Variants in DNM1 observed in about 807,000 individuals in gnomAD.
DNM1 encodes dynamin 1, also known as dynamin-1.
In DNM1, 29 loss-of-function variants were observed where a neutral mutation model predicts 104.6. That is an observed-to-expected ratio of 0.28 (90% confidence interval 0.21 to 0.38). The LOEUF is 0.38. Among genes scored for constraint, DNM1 ranks in the 10% least tolerant of loss-of-function variants. The pLI, the probability that DNM1 is intolerant of heterozygous loss-of-function variation, is 1.00. For missense variants in DNM1, 640 were observed against 1,189.4 expected (o/e 0.54, Z 6.79); for synonymous variants, 445 against 475.8 (o/e 0.94, Z 0.84).
chr9:128,232,366 C>A (rs1835750088), intron 10 of DNM1, among the ~76,000 whole-genome samples: 1 of 152,164 alleles, frequency 6.6e-6, no homozygotes, highest in African/African-American at 2.4e-5. Flanking sequence ...TTTTTAAGCC[C>A]CTGGTCTCAG....
In DNM1 at chr9:128,248,055, G is replaced by A. The variant is rs757734588; in HGVS notation, c.1905+120G>A. ...TCTAATTTCTGGATTGGGGCCAGGC[G>A]CAGTGGCTCACACCTGTAAACCCAA... On this transcript the variant is annotated intron_variant, in intron 18 of 21. Coordinates refer to ENST00000372923, the MANE Select transcript of DNM1 (RefSeq NM_004408.4). This position sits in a 1 kb window ranked among gnomAD's most constrained non-coding sequence, Gnocchi z 5.6. 6.4e-5 allele frequency: 88 copies of A among 1,385,808 alleles called. No homozygotes were observed. Among genetic ancestry groups the A allele is most frequent in the Admixed American group, 2.9e-4 (17 of 59,566 alleles). The allele number at this position is 1,385,808 out of a possible 1,614,324, so 85.8% of individuals were successfully genotyped here.
At chr9:128,206,776 T>C (rs916595984) in intron 1 of DNM1, among the ~76,000 whole-genome samples, 1 of 151,938 alleles carries the variant, frequency 6.6e-6, no homozygotes, top group African/African-American at 2.4e-5. Context: ...AGGCAGGGGC[T>C]AGATCTACAA....
intron 11 of DNM1, 119 bp downstream of exon 11, chr9:128,234,226 C>T (rs1835872556): frequency 1.3e-6 from 1 of 797,624 alleles, no homozygotes; most frequent in Non-Finnish European, 2.0e-6. Flanking sequence ...CTCAGTCTTC[C>T]TCTGTCTCAT....
chr9:128,212,233 G>A (rs933280669), intron 1 of DNM1, among the ~76,000 whole-genome samples: 9 of 152,242 alleles, frequency 5.9e-5, no homozygotes, highest in Non-Finnish European at 1.3e-4. Context: ...TATTTCACTG[G>A]TGGGCAAACT....
Position 128,224,386 on chromosome 9 carries a change from G to A in DNM1, c.1332G>A (p.Lys444=), listed in dbSNP as rs1193211740. 1.2e-6 allele frequency: 2 copies of A among 1,608,962 alleles called. No individual in the cohort carries two copies. Among genetic ancestry groups the A allele is most frequent in the Non-Finnish European group, 1.7e-6 (2 of 1,176,352 alleles). The change falls in exon 10 of 22, where the codon AAG becomes AAA. Residue 444 remains lysine (K), a synonymous_variant. Transcript: ENST00000372923. This position sits in a 1 kb window ranked among gnomAD's most constrained non-coding sequence, Gnocchi z 4.3. ...ELISTVRQCT[K]KLQQYPRLRE... is the part of the protein sequence containing the mutation. The stretch of plus-strand genomic sequence containing the variant: ...TCAGCACCGTTAGACAGTGCACCAA[G>A]AAGGTAACCCGGAGGCCCGGGCCAG...
intron 11 of DNM1, among the ~76,000 whole-genome samples, chr9:128,236,526 A>C (rs1255941559): frequency 6.6e-6 from 1 of 151,918 alleles, no homozygotes; most frequent in Non-Finnish European, 1.5e-5. Flanking sequence ...ACTCTTCCCC[A>C]CCCCTAGTTC....
intron 10 of DNM1, among the ~76,000 whole-genome samples, chr9:128,227,814 A>G (rs1354698009): frequency 6.6e-6 from 1 of 151,934 alleles, no homozygotes; most frequent in Middle Eastern, 3.2e-3. Flanking sequence ...GTTACAATGA[A>G]CATCCTTATA....
At position 128,245,511 on chromosome 9, in the gene DNM1, CTACA is replaced by C. The variant is rs1438136965; in HGVS notation, c.1672-878_1672-875del. Among the ~76,000 whole-genome samples the C allele has an allele frequency of 7.2e-5, 11 of 152,064 alleles. No individual in the cohort carries two copies. Among genetic ancestry groups the C allele is most frequent in the African/African-American group, 2.4e-4 (10 of 41,358 alleles). Reference sequence around the variant, plus strand: ...AACCCCTCCCCTGGGACACAGCAGCCTACATACACATGTGCCCACACCGAGCACA... The same window carrying C: ...AACCCCTCCCCTGGGACACAGCAGCCTACACATGTGCCCACACCGAGCACA... On this transcript the variant is annotated intron_variant, in intron 15 of 21. Transcript: ENST00000372923. This position sits in a 1 kb window ranked among gnomAD's most constrained non-coding sequence, Gnocchi z 5.2.
intron 20 of DNM1, 146 bp downstream of exon 20, chr9:128,250,502 C>T (rs1416740069): frequency 1.5e-5 from 16 of 1,079,868 alleles, no homozygotes; most frequent in Admixed American, 3.0e-5. Flanking sequence ...CGGGGCTTGT[C>T]GCGGGGCGGG....
At position 128,218,434 on chromosome 9, in the gene DNM1, C is replaced by T. The variant is rs1332569585; in HGVS notation, c.235+130C>T. The stretch of plus-strand genomic sequence containing the variant: ...TGGGCCTCGTTCCCCTTAGGGATAG[C>T]GGGGATCAAAATACATAATGGAGAC... On this transcript the variant is annotated intron_variant, in intron 2 of 21. Coordinates refer to ENST00000372923, the MANE Select transcript of DNM1 (RefSeq NM_004408.4). The surrounding 1 kb of genome is among the most constrained non-coding windows in gnomAD (Gnocchi z 4.8). 7.8e-6 allele frequency: 11 copies of T among 1,406,202 alleles called. No individual in the cohort carries two copies. Among genetic ancestry groups the T allele is most frequent in the Admixed American group, 1.7e-5 (1 of 58,892 alleles). The allele number at this position is 1,406,202 out of a possible 1,614,324, so 87.1% of individuals were successfully genotyped here. A position where few individuals can be genotyped will look rare whatever the true frequency, so the allele number is the denominator to read the frequency against.
intron 10 of DNM1, among the ~76,000 whole-genome samples, chr9:128,227,952 G>C (rs187201443): frequency 6.6e-6 from 1 of 151,924 alleles, no homozygotes; most frequent in Admixed American, 6.6e-5. Flanking sequence ...GGGCTCAAGC[G>C]ATCCTCCCGC....
chr9:128,219,141 C>T lies in DNM1; in HGVS notation c.478C>T (p.Leu160Phe), dbSNP rs772636298. The T allele has an allele frequency of 6.2e-7, 1 of 1,614,190 alleles. No individual in the cohort carries two copies. Among genetic ancestry groups the T allele is most frequent in the Non-Finnish European group, 8.5e-7 (1 of 1,180,036 alleles). Residue 160 changes from leucine (L) to phenylalanine (F), a missense_variant, in exon 4 of 22, where the codon CTT becomes TTT. This residue lies in a region of DNM1 where 172 missense variants were observed against 335.3 expected (regional missense o/e 0.51). Coordinates refer to ENST00000372923, the MANE Select transcript of DNM1 (RefSeq NM_004408.4). ...PDIEFQIRDM[L>F]MQFVTKENCL... is the part of the protein sequence containing the mutation. ...CATCGAGTTCCAGATCCGAGACATG[C>T]TTATGCAGTTTGTCACCAAGGAGAA...
chr9:128,215,148 G>A (rs558651130), intron 1 of DNM1, among the ~76,000 whole-genome samples: 20 of 152,362 alleles, frequency 1.3e-4, no homozygotes, highest in African/African-American at 4.1e-4. Context: ...CAGTCCAGAC[G>A]TGAGACTGGG....
intron 14 of DNM1, 105 bp from the exon 15 acceptor site, chr9:128,242,127 G>C (rs1417542448): frequency 5.6e-6 from 4 of 712,834 alleles, no homozygotes; most frequent in African/African-American, 1.8e-5. Context: ...AGGCCTCAGA[G>C]AGCTGGGAGA....
chr9:128,248,303 G>A lies in DNM1; in HGVS notation c.1906-280G>A, dbSNP rs912151425. 21 of 480,858 alleles carry A rather than the reference G, an allele frequency of 4.4e-5. No individual in the cohort carries two copies. The highest frequency in any genetic ancestry group is 3.7e-4 in the African/African-American group (19 of 51,772). 29.8% of individuals were successfully genotyped at this position (480,858 alleles called of 1,614,324 possible). ...AGCACCACTGCACTCCAGCCTGGGT[G>A]ACAAAGCAAGACTTTCTCAAAATAA... On this transcript the variant is annotated intron_variant, in intron 18 of 21. Coordinates refer to ENST00000372923, the MANE Select transcript of DNM1 (RefSeq NM_004408.4). The surrounding 1 kb of genome is among the most constrained non-coding windows in gnomAD (Gnocchi z 5.6).
chr9:128,230,193 G>A (rs1202020644), intron 10 of DNM1, among the ~76,000 whole-genome samples: 1 of 149,684 alleles, frequency 6.7e-6, no homozygotes, highest in Admixed American at 6.7e-5. Flanking sequence ...CTCCAGCCTG[G>A]GTGACAGATC....
chr9:128,250,437 G>C, intron 20 of DNM1, 81 bp downstream of exon 20: 2 of 1,404,030 alleles, frequency 1.4e-6, no homozygotes, highest in Non-Finnish European at 1.9e-6. Flanking sequence ...GCAGTGGCGC[G>C]CCCGCGTCAC....
intron 14 of DNM1, among the ~76,000 whole-genome samples, chr9:128,241,635 C>T (rs151030006): frequency 1.3e-5 from 2 of 152,204 alleles, no homozygotes; most frequent in African/African-American, 4.8e-5. Flanking sequence ...CACACACACG[C>T]ACGTAGAGAA....
In DNM1 at chr9:128,247,780, C is replaced by A; in HGVS notation, c.1894-144C>A. On this transcript the variant is annotated intron_variant, in intron 17 of 21. Transcript: ENST00000372923. This position sits in a 1 kb window ranked among gnomAD's most constrained non-coding sequence, Gnocchi z 5.1. Reference sequence around the variant, plus strand: ...GCCTTCTCTTTTCTCCCCTATTTCACTGTGGCGATGTCTAGAGTAGCCTGA... The same window carrying A: ...GCCTTCTCTTTTCTCCCCTATTTCAATGTGGCGATGTCTAGAGTAGCCTGA... The A allele has an allele frequency of 9.2e-7, 1 of 1,091,534 alleles. No individual in the cohort carries two copies. 67.6% of individuals were successfully genotyped at this position (1,091,534 alleles called of 1,614,324 possible). A position where few individuals can be genotyped will look rare whatever the true frequency, so the allele number is the denominator to read the frequency against.
Sources: gnomAD v4.1 joint callset for allele counts (sites outside exome capture counted in the v4.1 genomes callset) on GRCh38, gnomAD v4.1.1 for gene constraint, gnomAD v4.1.1 regional missense constraint, Gnocchi (gnomAD v3.1) non-coding constraint, MANE v1.5 for transcripts, NCBI Gene and HGNC (gene_info 2026-07-23, HGNC 2026-07-21) for gene names.